Variants in CLIC5 observed in about 807,000 individuals in gnomAD.
CLIC5 encodes chloride intracellular channel protein 5.
CLIC5 carries 20 observed loss-of-function variants against 24.7 expected under a neutral mutation model. The observed-to-expected ratio is 0.81, with a 90% CI of 0.57 to 1.18. The LOEUF (loss-of-function observed/expected upper bound fraction) is 1.18. Among genes scored for constraint, CLIC5 ranks in the 50% most tolerant of loss-of-function variants. The pLI is 0.00. For missense variants in CLIC5, 341 were observed against 326.1 expected (o/e 1.05, Z -0.35); for synonymous variants, 159 against 135.6 (o/e 1.17, Z -1.20).
intron 1 of CLIC5, among the ~76,000 whole-genome samples, chr6:45,964,293 A>C (rs1764946947): frequency 1.3e-5 from 2 of 152,212 alleles, no homozygotes; most frequent in African/African-American, 4.8e-5. Context: ...TCCTCCCCTG[A>C]CACCAACCAG....
At chr6:45,915,225 G>A (rs1762982705) in intron 4 of CLIC5, among the ~76,000 whole-genome samples, 1 of 152,004 alleles carries the variant, frequency 6.6e-6, no homozygotes, top group African/African-American at 2.4e-5. Flanking sequence ...ACCATGCCTG[G>A]CCAATACTAG....
upstream of CLIC5, among the ~76,000 whole-genome samples, chr6:46,081,147 G>C (rs1338788880): frequency 6.6e-6 from 1 of 152,186 alleles, no homozygotes; most frequent in Non-Finnish European, 1.5e-5. Context: ...AGTGCAATAA[G>C]CCCAGGTCTG....
At chr6:45,930,718 GCAGCAGCAGCAA>G (rs1478519997) in intron 4 of CLIC5, among the ~76,000 whole-genome samples, 3 of 152,190 alleles carry the variant, frequency 2.0e-5, no homozygotes, top group South Asian at 2.1e-4. Flanking sequence ...GAAATTAATA[GCAGCAGCAGCAA>G]CAGCAGCAGC....
upstream of CLIC5, chr6:46,080,355 C>T: frequency 2.5e-6 from 2 of 796,134 alleles, no homozygotes; most frequent in South Asian, 1.9e-5. Flanking sequence ...TCTTAAAAGG[C>T]AGCAACTAGC....
chr6:46,070,323 C>G (rs957040820), intron 1 of CLIC5, among the ~76,000 whole-genome samples: 3 of 151,990 alleles, frequency 2.0e-5, no homozygotes, highest in Non-Finnish European at 2.9e-5. Flanking sequence ...TCTAGAAAAC[C>G]CCATAGTCTT....
chr6:45,885,888 C>A (rs183592480), intron 6 of CLIC5, among the ~76,000 whole-genome samples: 1 of 152,104 alleles, frequency 6.6e-6, no homozygotes, highest in African/African-American at 2.4e-5. Context: ...GATGGGAGAC[C>A]CTCCAAGTCC....
At chr6:45,964,214 C>T (rs183251262) in intron 1 of CLIC5, among the ~76,000 whole-genome samples, 3,185 of 152,268 alleles carry the variant, frequency 0.021, 77 homozygotes, top group Non-Finnish European at 0.024. Flanking sequence ...TTTCAGTCCT[C>T]AGCTTCACAG....
chr6:45,969,257 G>T (rs949709866), intron 1 of CLIC5, among the ~76,000 whole-genome samples: 4 of 152,128 alleles, frequency 2.6e-5, no homozygotes, highest in African/African-American at 9.7e-5. Context: ...GGAGGGGCCA[G>T]CACTGTAGAT....
chr6:45,988,829 T>C (rs988921951), intron 1 of CLIC5, among the ~76,000 whole-genome samples: 3 of 152,146 alleles, frequency 2.0e-5, no homozygotes, highest in African/African-American at 7.2e-5. Flanking sequence ...CCTTTCCAGG[T>C]CAAGACAAAT....
chr6:45,961,466 C>T (rs1412272279), intron 1 of CLIC5, among the ~76,000 whole-genome samples: 1 of 152,196 alleles, frequency 6.6e-6, no homozygotes, highest in East Asian at 1.9e-4. Flanking sequence ...TCTGAGCAGA[C>T]CACACTGGCT....
At chr6:45,999,188 C>T (rs1367684393) in intron 1 of CLIC5, among the ~76,000 whole-genome samples, 1 of 152,160 alleles carries the variant, frequency 6.6e-6, no homozygotes, top group Non-Finnish European at 1.5e-5. Context: ...TTATCCAACC[C>T]TTTTATTTTA....
intron 1 of CLIC5, among the ~76,000 whole-genome samples, chr6:46,022,783 T>C (rs1443916805): frequency 6.6e-5 from 10 of 152,198 alleles, no homozygotes; most frequent in Admixed American, 5.2e-4. Context: ...AACCAGTGTT[T>C]TCGGGGTGTC....
At chr6:46,030,799 C>T (rs1294612303) in intron 1 of CLIC5, among the ~76,000 whole-genome samples, 2 of 152,164 alleles carry the variant, frequency 1.3e-5, no homozygotes, top group African/African-American at 4.8e-5. Context: ...ACTCATGCTC[C>T]CACAGCACCC....
intron 1 of CLIC5, among the ~76,000 whole-genome samples, chr6:45,981,588 T>TGGGGAG (rs1695152484): frequency 6.6e-6 from 1 of 152,246 alleles, no homozygotes; most frequent in Non-Finnish European, 1.5e-5. Context: ...ACTCCCTTAG[T>TGGGGAG]TACCACCTCT....
At chr6:45,996,107 T>G (rs1485711189) in intron 1 of CLIC5, among the ~76,000 whole-genome samples, 1 of 148,276 alleles carries the variant, frequency 6.7e-6, no homozygotes, top group Non-Finnish European at 1.5e-5. Flanking sequence ...ATCCTGCACA[T>G]GTACCTCAGA....
chr6:45,900,008 A>G lies in CLIC5; in HGVS notation c.*3080T>C, dbSNP rs1462855992. ...ATTTATCAAGCATTTGACTTTCTTT[A>G]TCAGGAGATGAAGAAACTGTGCTTT... is the stretch of plus-strand genomic sequence containing the variant. On this transcript the variant is annotated 3_prime_UTR_variant, in exon 6 of 6. Transcript: ENST00000339561. The G allele has an allele frequency of 1.3e-5, 2 of 152,234 alleles. No homozygotes were observed. Among genetic ancestry groups the G allele is most frequent in the Non-Finnish European group, 2.9e-5 (2 of 68,038 alleles). The allele number at this position is 152,234 out of a possible 1,614,324, so 9.4% of individuals were successfully genotyped here. A position where few individuals can be genotyped will look rare whatever the true frequency, so the allele number is the denominator to read the frequency against.
At chr6:45,890,506 G>T (rs542397922) in intron 6 of CLIC5, among the ~76,000 whole-genome samples, 1 of 152,222 alleles carries the variant, frequency 6.6e-6, no homozygotes, top group South Asian at 2.1e-4. Flanking sequence ...CAGTATAGTG[G>T]TTCCTCCAAA....
chr6:45,957,112 A>G (rs1377313507), intron 1 of CLIC5, among the ~76,000 whole-genome samples: 2 of 152,310 alleles, frequency 1.3e-5, no homozygotes, highest in African/African-American at 4.8e-5. Flanking sequence ...AGAAAAAAGC[A>G]AAAACAAAAA....
downstream of CLIC5, chr6:45,880,998 C>A (rs1217299026): frequency 1.0e-5 from 4 of 396,446 alleles, no homozygotes; most frequent in Non-Finnish European, 1.8e-5. Flanking sequence ...AGGGAGAAAT[C>A]CAGACTTCAA....
Sources: allele counts gnomAD v4.1 joint callset (sites outside exome capture counted in the v4.1 genomes callset), GRCh38; gene constraint gnomAD v4.1.1; transcripts MANE v1.5; gene names NCBI Gene and HGNC (gene_info 2026-07-23, HGNC 2026-07-21).